Variants in LIN9 observed in about 807,000 individuals in gnomAD.
LIN9 encodes protein lin-9 homolog.
A neutral mutation model predicts 78.0 loss-of-function variants in LIN9; 18 were observed. That is an observed-to-expected ratio of 0.23 (90% CI 0.16 to 0.34). LIN9 has a LOEUF of 0.34. Among genes scored for constraint, LIN9 ranks in the 10% least tolerant of loss-of-function variants. LIN9 has a pLI of 1.00. For synonymous variants in LIN9, 192 were observed against 215.2 expected, an observed-to-expected ratio of 0.89 and a Z score of 0.94; for missense variants, 451 against 644.1, an observed-to-expected ratio of 0.70 and a Z score of 3.25.
chr1:226,294,733 CAAA>C (rs1662025390), intron 4 of LIN9, among the ~76,000 whole-genome samples: 1 of 151,570 alleles, frequency 6.6e-6, no homozygotes, highest in Non-Finnish European at 1.5e-5. Context: ...TTGAATAAGA[CAAA>C]AATTACATTA....
At chr1:226,237,737 C>G (rs1422363357) in intron 12 of LIN9, among the ~76,000 whole-genome samples, 3 of 151,326 alleles carry the variant, frequency 2.0e-5, no homozygotes, top group Non-Finnish European at 4.4e-5. Flanking sequence ...CACTTGAGGT[C>G]AGGAGTTCGA....
intron 10 of LIN9, among the ~76,000 whole-genome samples, chr1:226,260,633 T>TTTC (rs1558171893): frequency 2.5e-5 from 1 of 39,602 alleles, no homozygotes; most frequent in Non-Finnish European, 4.8e-5. Context: ...AATGAGTTTT[T>TTTC]TTTTTTTTTT....
intron 4 of LIN9, 46 bp from the exon 5 acceptor site, chr1:226,287,843 A>C (rs1270557625): frequency 7.3e-7 from 1 of 1,370,972 alleles, no homozygotes; most frequent in Non-Finnish European, 9.9e-7. Context: ...CATTAAGTAA[A>C]AATGAACATT....
At chr1:226,236,493 T>C (rs1340284857) in intron 12 of LIN9, among the ~76,000 whole-genome samples, 2 of 152,192 alleles carry the variant, frequency 1.3e-5, no homozygotes, top group East Asian at 3.8e-4. Context: ...TCTCGCTCTG[T>C]TGCCCAGGCT....
intron 4 of LIN9, among the ~76,000 whole-genome samples, chr1:226,290,199 A>G (rs1489849574): frequency 6.6e-6 from 1 of 152,152 alleles, no homozygotes; most frequent in Non-Finnish European, 1.5e-5. Context: ...ACAATGACCC[A>G]CAATCCAATA....
At chr1:226,271,880 T>C (rs2102926281) in intron 7 of LIN9, among the ~76,000 whole-genome samples, 1 of 152,292 alleles carries the variant, frequency 6.6e-6, no homozygotes, top group East Asian at 1.9e-4. Flanking sequence ...ATGCCTGTTT[T>C]TCTCTGATGT....
intron 7 of LIN9, among the ~76,000 whole-genome samples, chr1:226,276,003 G>A (rs985614498): frequency 1.3e-5 from 2 of 151,576 alleles, no homozygotes; most frequent in African/African-American, 2.4e-5. Context: ...ACTCCAGCCT[G>A]GGCAACAGAG....
At chr1:226,273,256 A>ATTTTTTTT (rs34679926) in intron 7 of LIN9, among the ~76,000 whole-genome samples, 8 of 87,266 alleles carry the variant, frequency 9.2e-5, no homozygotes, top group Admixed American at 1.4e-4. Context: ...TAATTAGGTA[A>ATTTTTTTT]TTTTTTTTTT....
intron 7 of LIN9, among the ~76,000 whole-genome samples, chr1:226,274,017 T>C (rs1456340895): frequency 2.6e-5 from 4 of 152,030 alleles, no homozygotes; most frequent in Non-Finnish European, 5.9e-5. Context: ...TTTGTATTTT[T>C]AGTAGAGACA....
intron 11 of LIN9, among the ~76,000 whole-genome samples, chr1:226,243,695 C>CAAA (rs532381607): frequency 1.7e-4 from 6 of 35,304 alleles, no homozygotes; most frequent in Admixed American, 2.8e-4. Context: ...GACTCCGTCT[C>CAAA]AAAAAAAAAA....
rs1558171805 is a variant in LIN9, at chr1:226,260,627, A to AGTTT, written c.1038+4902_1038+4905dup. 4.3e-3 allele frequency among the ~76,000 whole-genome samples: 308 copies of AGTTT among 70,836 alleles called. 63 individuals carry two copies. The highest frequency in any genetic ancestry group is 4.3e-3 in the African/African-American group (73 of 17,078). The allele number at this position is 70,836 out of a possible 152,430, so 46.5% of individuals were successfully genotyped here. ...AAGAATTTAAGATCACGGCCAAATG[A>AGTTT]GTTTTTTTTTTTTTTTTTTTTTTTT... On this transcript the variant is annotated intron_variant, in intron 10 of 14. Transcript: ENST00000681046.
intron 4 of LIN9, among the ~76,000 whole-genome samples, chr1:226,295,103 C>T (rs187871505): frequency 2.7e-4 from 41 of 152,082 alleles, no homozygotes; most frequent in African/African-American, 8.7e-4. Flanking sequence ...GCCCAGCCCA[C>T]TATGAGTTTT....
chr1:226,286,019 A>C (rs1209812164), intron 6 of LIN9, among the ~76,000 whole-genome samples: 1 of 152,234 alleles, frequency 6.6e-6, no homozygotes, highest in Non-Finnish European at 1.5e-5. Flanking sequence ...TTTAACATAT[A>C]ATCAATTATT....
At chr1:226,267,861 A>C (rs1285459826) in intron 8 of LIN9, 96 bp downstream of exon 8, 14 of 1,277,384 alleles carry the variant, frequency 1.1e-5, no homozygotes, top group Non-Finnish European at 1.1e-5. Context: ...TGTGAGATAA[A>C]GTCTTGATTC....
chr1:226,306,837 T>C (rs1453155550), intron 1 of LIN9, among the ~76,000 whole-genome samples: 2 of 152,192 alleles, frequency 1.3e-5, no homozygotes, highest in African/African-American at 4.8e-5. Context: ...TCAGTAATAA[T>C]ACCTGTTACT....
upstream of LIN9, chr1:226,309,696 C>A (rs569347602): frequency 3.9e-5 from 50 of 1,286,612 alleles, no homozygotes; most frequent in South Asian, 6.0e-4. Flanking sequence ...GCCGCAGCAG[C>A]CCCCTGCGCG....
chr1:226,233,665 TTTTCC>T (rs1657497369), intron 12 of LIN9, 142 bp from the exon 13 acceptor site: 1 of 486,296 alleles, frequency 2.1e-6, no homozygotes, highest in African/African-American at 2.0e-5. Flanking sequence ...TTAGAAGTTT[TTTTCC>T]TTTAACAGTT....
chr1:226,247,203 C>T (rs115607396), intron 11 of LIN9, among the ~76,000 whole-genome samples: 1,825 of 152,002 alleles, frequency 0.012, 18 homozygotes, highest in Non-Finnish European at 0.018. Context: ...ATTGTTGTTT[C>T]CAGTTCTCTT....
At chr1:226,280,499 C>T (rs1214890350) in intron 6 of LIN9, among the ~76,000 whole-genome samples, 6 of 152,000 alleles carry the variant, frequency 3.9e-5, no homozygotes, top group African/African-American at 1.2e-4. Context: ...GACTTGCGGC[C>T]GGGCGCAGTG....
Sources: allele counts gnomAD v4.1 joint callset (sites outside exome capture counted in the v4.1 genomes callset), GRCh38; gene constraint gnomAD v4.1.1; transcripts MANE v1.5; gene names NCBI Gene and HGNC (gene_info 2026-07-23, HGNC 2026-07-21).